Variants in CPA1 observed in about 807,000 individuals in gnomAD.
CPA1 encodes the protein carboxypeptidase A1 (pancreatic).
Under a neutral mutation model 48.7 loss-of-function variants are expected in CPA1, and 42 were observed. The observed-to-expected ratio is 0.86, with a 90% confidence interval of 0.67 to 1.11. CPA1 has a LOEUF of 1.11. Among genes scored for constraint, CPA1 ranks in the 50% most tolerant of loss-of-function variants. The pLI is 0.00. For missense variants in CPA1, 477 were observed against 544.7 expected, an observed-to-expected ratio of 0.88 and a Z score of 1.24; for synonymous variants, 203 against 217.9, an observed-to-expected ratio of 0.93 and a Z score of 0.60.
At position 130,381,131 on chromosome 7, in the gene CPA1, G is replaced by A. The variant is rs2117499127; in HGVS notation, c.99G>A (p.Glu33=). 2 of 1,613,650 alleles carry A rather than the reference G, an allele frequency of 1.2e-6. No homozygotes were observed. The highest frequency in any genetic ancestry group is 1.3e-5 in the African/African-American group (1 of 74,986). The change falls in exon 2 of 10, where the codon GAG becomes GAA. Residue 33 remains glutamate, a synonymous_variant. Transcript: ENST00000011292. ...TGCTCCGAATCTCTGTAGCCGATGAGGCCCAGGTACAGAAGGTGAAGGAGC... is the reference window on the plus strand; with the variant it reads ...TGCTCCGAATCTCTGTAGCCGATGAAGCCCAGGTACAGAAGGTGAAGGAGC... The part of the protein sequence containing the change: ...HQVLRISVAD[E]AQVQKVKELE...
At chr7:130,380,678 C>T in intron 1 of CPA1, 93 bp downstream of exon 1, 1 of 722,280 alleles carries the variant, frequency 1.4e-6, no homozygotes, top group Non-Finnish European at 2.1e-6. Flanking sequence ...AGATACATGG[C>T]AACACAGCCA....
intron 5 of CPA1, 43 bp downstream of exon 5, chr7:130,383,535 T>C: frequency 6.4e-7 from 1 of 1,560,824 alleles, no homozygotes; most frequent in South Asian, 1.1e-5. Flanking sequence ...TGGTGGGGCA[T>C]TGGTGTCCAA....
rs1042710424 is a variant in CPA1, at chr7:130,387,653, G to T, written c.1073-171G>T. ...CCTCTTGGCTTAGACCTTTTAGTGG[G>T]AGTTTCTTGGAAGTGAGGCTGCTTG... On this transcript the variant is annotated intron_variant, in intron 9 of 9. Transcript: ENST00000011292. The surrounding 1 kb of genome is among the most constrained non-coding windows in gnomAD (Gnocchi z 4.6). 6.6e-6 allele frequency among the ~76,000 whole-genome samples: 1 copy of T among 152,206 alleles called. No homozygotes were observed. The highest frequency in any genetic ancestry group is 6.5e-5 in the Admixed American group (1 of 15,274).
In CPA1 at chr7:130,387,315, A is replaced by T. The variant is rs1326095257; in HGVS notation, c.1073-509A>T. 6.6e-6 allele frequency among the ~76,000 whole-genome samples: 1 copy of T among 152,220 alleles called. No individual in the cohort carries two copies. The highest frequency in any genetic ancestry group is 1.5e-5 in the Non-Finnish European group (1 of 68,040). On this transcript the variant is annotated intron_variant, in intron 9 of 9. Transcript: ENST00000011292. The surrounding 1 kb of genome is among the most constrained non-coding windows in gnomAD (Gnocchi z 4.6). Reference sequence around the variant, plus strand: ...CAAGTTAAATTCTGATATGCAGCCTACTGCTCTCTCCTGGGCCAATTCAAA... The same window carrying T: ...CAAGTTAAATTCTGATATGCAGCCTTCTGCTCTCTCCTGGGCCAATTCAAA...
chr7:130,385,588 A>G (rs1156386321), intron 8 of CPA1, among the ~76,000 whole-genome samples: 1 of 152,164 alleles, frequency 6.6e-6, no homozygotes, highest in African/African-American at 2.4e-5. Context: ...CTTCGATCTT[A>G]GGCACCACAT....
Position 130,385,358 on chromosome 7 carries a change from C to T in CPA1, c.987+13C>T, listed in dbSNP as rs782268495. On this transcript the variant is annotated intron_variant, in intron 8 of 9. Coordinates refer to ENST00000011292, the MANE Select transcript of CPA1 (RefSeq NM_001868.4). The stretch of plus-strand genomic sequence containing the variant: ...CCAGGATGAGCTGGTAGGCACTGAC[C>T]TCGGCTTGCCCCCTCGTCCCCAAGG... The T allele has an allele frequency of 3.7e-6, 6 of 1,613,512 alleles. No individual in the cohort carries two copies. The African/African-American group carries it at 4.0e-5, about 11-fold the overall frequency.
chr7:130,386,252 G>T (rs902443693), intron 9 of CPA1, among the ~76,000 whole-genome samples: 42 of 152,092 alleles, frequency 2.8e-4, no homozygotes, highest in African/African-American at 1.0e-3. Context: ...CTTCTCGGGG[G>T]CAGGGCACCG....
chr7:130,385,971 C>A, intron 9 of CPA1, 48 bp downstream of exon 9: 2 of 1,490,546 alleles, frequency 1.3e-6, no homozygotes, highest in Non-Finnish European at 1.9e-6. Flanking sequence ...GGAACATCTG[C>A]TGGCTCTTCC....
chr7:130,385,781 G>A lies in CPA1; in HGVS notation c.988-58G>A, dbSNP rs1488304869. The A allele has an allele frequency of 3.5e-6, 5 of 1,434,674 alleles. No homozygotes were observed. In the African/African-American group the frequency reaches 7.0e-5, roughly 20 times the overall value. The allele number at this position is 1,434,674 out of a possible 1,614,324, so 88.9% of individuals were successfully genotyped here. A position where few individuals can be genotyped will look rare whatever the true frequency, so the allele number is the denominator to read the frequency against. On this transcript the variant is annotated intron_variant, in intron 8 of 9. Coordinates refer to ENST00000011292, the MANE Select transcript of CPA1 (RefSeq NM_001868.4). The stretch of plus-strand genomic sequence containing the variant: ...CCCTGCCAGCCCCCAGACTACCCTG[G>A]ACATGCTGTTCCAGGAGCCTGGCCA...
chr7:130,381,966 C>A, intron 3 of CPA1, 103 bp downstream of exon 3: 1 of 1,227,658 alleles, frequency 8.1e-7, no homozygotes, highest in Non-Finnish European at 1.2e-6. Flanking sequence ...GTGTGCGCAG[C>A]GCCTGCTCTG....
intron 6 of CPA1, chr7:130,384,126 T>C: frequency 6.7e-6 from 3 of 447,264 alleles, no homozygotes; most frequent in Non-Finnish European, 1.2e-5. Flanking sequence ...TTGTCCCCAG[T>C]GGAGGCCCAC....
intron 3 of CPA1, 37 bp from the exon 4 acceptor site, chr7:130,382,071 G>A: frequency 1.3e-6 from 2 of 1,555,866 alleles, no homozygotes; most frequent in Non-Finnish European, 1.8e-6. Flanking sequence ...GTGCCCAGAA[G>A]CTATTAAGGC....
chr7:130,385,849 C>G lies in CPA1; in HGVS notation c.998C>G (p.Ser333Cys), dbSNP rs1554411940. 1 of 1,614,012 alleles carries G rather than the reference C, an allele frequency of 6.2e-7. No homozygotes were observed. Among genetic ancestry groups the G allele is most frequent in the South Asian group, 1.1e-5 (1 of 90,996 alleles). Residue 333 changes from serine (S) to cysteine (C), a missense_variant, in exon 9 of 10, where the codon TCC (serine) becomes TGC (cysteine). Coordinates refer to ENST00000011292, the MANE Select transcript of CPA1 (RefSeq NM_001868.4). ...TGGTGTTTTGTCCAGGATCAGCTTT[C>G]CAAGGCTGCTGTGACAGCCCTGGCC... is the stretch of plus-strand genomic sequence containing the variant. ...VPDQDELDQL[S>C]KAAVTALASL...
intron 7 of CPA1, 95 bp from the exon 8 acceptor site, chr7:130,385,051 A>C (rs577517505): frequency 1.6e-5 from 21 of 1,277,904 alleles, no homozygotes; most frequent in Non-Finnish European, 2.0e-5. Context: ...GAGCCCTTCC[A>C]TACCACCTCA....
chr7:130,387,442 C>T lies in CPA1; in HGVS notation c.1073-382C>T, dbSNP rs1338907422. On this transcript the variant is annotated intron_variant, in intron 9 of 9. Transcript: ENST00000011292. The surrounding 1 kb of genome is among the most constrained non-coding windows in gnomAD (Gnocchi z 4.6). ...CTTTGACTCTGGCTCTTTGCACTTT[C>T]CCCCTCACAGACCAGAGCCCCAGGG... is the stretch of plus-strand genomic sequence containing the variant. Among the ~76,000 whole-genome samples the T allele has an allele frequency of 1.3e-5, 2 of 152,168 alleles. No homozygotes were observed. Among genetic ancestry groups the T allele is most frequent in the Admixed American group, 6.5e-5 (1 of 15,282 alleles).
At chr7:130,386,049 G>T in intron 9 of CPA1, 126 bp downstream of exon 9, 1 of 759,148 alleles carries the variant, frequency 1.3e-6, no homozygotes. Context: ...CTGCTGGCAA[G>T]GGCTATTCTG....
At chr7:130,382,630 ATTTTTTTTT>A (rs34457825) in intron 4 of CPA1, among the ~76,000 whole-genome samples, 3 of 74,360 alleles carry the variant, frequency 4.0e-5, no homozygotes, top group Non-Finnish European at 7.2e-5. Context: ...TGCCCGGGTA[ATTTTTTTTT>A]TTTTTTTTTT....
At chr7:130,382,805 G>A (rs974142168) in intron 4 of CPA1, among the ~76,000 whole-genome samples, 2 of 148,560 alleles carry the variant, frequency 1.3e-5, no homozygotes, top group Non-Finnish European at 3.0e-5. Context: ...CACCACGCCC[G>A]GCTAATTTTT....
intron 4 of CPA1, 71 bp downstream of exon 4, chr7:130,382,280 CT>C: frequency 5.0e-6 from 6 of 1,191,296 alleles, no homozygotes; most frequent in Non-Finnish European, 7.4e-6. Context: ...GGCGTGGGCT[CT>C]CCCGGGGAAA....
Sources: allele counts gnomAD v4.1 joint callset (sites outside exome capture counted in the v4.1 genomes callset), GRCh38; gene constraint gnomAD v4.1.1; non-coding constraint Gnocchi (gnomAD v3.1); transcripts MANE v1.5; gene names NCBI Gene and HGNC (gene_info 2026-07-23, HGNC 2026-07-21).